Variants in TRPM6 observed in about 807,000 individuals in gnomAD.
The protein encoded by TRPM6 is transient receptor potential cation channel subfamily M member 6, also known as channel kinase 2.
Under a neutral mutation model 247.6 loss-of-function variants are expected in TRPM6, and 111 were observed. That is an observed-to-expected ratio of 0.45 (90% CI 0.38 to 0.52). The LOEUF is 0.52. TRPM6 is among the 20% of genes least tolerant of loss of function. The pLI is 0.00. For synonymous variants in TRPM6, 892 were observed against 853.8 expected (o/e 1.04, Z -0.78); for missense variants, 2,126 against 2,421.5 (o/e 0.88, Z 2.56).
chr9:74,803,136 A>G (rs1259566573), intron 15 of TRPM6, among the ~76,000 whole-genome samples: 1 of 152,218 alleles, frequency 6.6e-6, no homozygotes, highest in Non-Finnish European at 1.5e-5. Flanking sequence ...GACCAAGAGT[A>G]ATTTTATAAA....
At chr9:74,740,987 C>G (rs972301123) in intron 33 of TRPM6, among the ~76,000 whole-genome samples, 1 of 152,036 alleles carries the variant, frequency 6.6e-6, no homozygotes, top group East Asian at 1.9e-4. Context: ...TGCCTTTGGA[C>G]GAGTTACTTA....
chr9:74,842,523 C>T (rs1829977603), intron 3 of TRPM6, among the ~76,000 whole-genome samples, 180 bp from the exon 4 acceptor site: 1 of 152,154 alleles, frequency 6.6e-6, no homozygotes, highest in Non-Finnish European at 1.5e-5. Context: ...ATTAGTGGTT[C>T]TCTCTCTTGG....
intron 31 of TRPM6, among the ~76,000 whole-genome samples, chr9:74,746,802 A>G (rs1390027878): frequency 6.7e-6 from 1 of 150,080 alleles, no homozygotes; most frequent in African/African-American, 2.4e-5. Flanking sequence ...GCAGTAGGGT[A>G]GACCAAACAG....
intron 3 of TRPM6, 105 bp from the exon 4 acceptor site, chr9:74,842,448 A>G: frequency 8.7e-7 from 1 of 1,155,398 alleles, no homozygotes; most frequent in Non-Finnish European, 1.3e-6. Context: ...CTATTTCTTA[A>G]AACTTCACAT....
intron 24 of TRPM6, among the ~76,000 whole-genome samples, chr9:74,775,325 G>A (rs1827182303): frequency 6.6e-6 from 1 of 152,096 alleles, no homozygotes. Flanking sequence ...GAGTAGCTAG[G>A]ACTACAGGCA....
At chr9:74,761,385 A>G (rs1826622983) in intron 27 of TRPM6, among the ~76,000 whole-genome samples, 1 of 152,204 alleles carries the variant, frequency 6.6e-6, no homozygotes, top group Non-Finnish European at 1.5e-5. Context: ...GTTAGCAGAT[A>G]AGTAAATTGC....
At chr9:74,868,430 G>C (rs999113272) in intron 1 of TRPM6, among the ~76,000 whole-genome samples, 2 of 152,018 alleles carry the variant, frequency 1.3e-5, no homozygotes, top group African/African-American at 4.8e-5. Context: ...AGGAGGTGGA[G>C]GTTGCAGTGA....
Position 74,723,716 on chromosome 9 carries a change from C to T in TRPM6, c.*897G>A, listed in dbSNP as rs1253949432. 3 of 150,640 alleles carry T rather than the reference C, an allele frequency of 2.0e-5. No homozygotes were observed. Among genetic ancestry groups the T allele is most frequent in the Admixed American group, 6.6e-5 (1 of 15,058 alleles). The allele number at this position is 150,640 out of a possible 1,614,324, so 9.3% of individuals were successfully genotyped here. The stretch of plus-strand genomic sequence containing the variant: ...ACCCGGAAGACTGAGACACAAGAAT[C>T]GCTCAAGCCCGGGAGGCAGAGGTTG... On this transcript the variant is annotated 3_prime_UTR_variant, in exon 39 of 39. Transcript: ENST00000360774.
intron 6 of TRPM6, among the ~76,000 whole-genome samples, chr9:74,828,155 C>A (rs549121253): frequency 6.6e-6 from 1 of 151,846 alleles, no homozygotes; most frequent in Admixed American, 6.6e-5. Context: ...AGATAGAGAC[C>A]AGCCTTACTA....
chr9:74,785,462 C>T (rs1380899589), intron 21 of TRPM6, among the ~76,000 whole-genome samples: 1 of 152,174 alleles, frequency 6.6e-6, no homozygotes, highest in African/African-American at 2.4e-5. Context: ...ATGCCTATAT[C>T]AAAATATTCC....
intron 1 of TRPM6, among the ~76,000 whole-genome samples, chr9:74,874,178 A>C (rs111636861): frequency 0.019 from 2,894 of 151,906 alleles, 109 homozygotes; most frequent in African/African-American, 0.067. Flanking sequence ...AGAGATTGCC[A>C]TTAGCTGAGA....
At position 74,801,921 on chromosome 9, in the gene TRPM6, T is replaced by G. The variant is rs1343882568; in HGVS notation, c.1986A>C (p.Ser662=). The G allele has an allele frequency of 6.2e-7, 1 of 1,614,128 alleles. No homozygotes were observed. The highest frequency in any genetic ancestry group is 1.3e-5 in the African/African-American group (1 of 74,956). Residue 662 remains serine (S), a synonymous_variant, in exon 16 of 39, where the codon TCA becomes TCC. Transcript: ENST00000360774. Reference sequence around the variant, plus strand: ...ACTTTGAGTAATTCTTCAACTCTTCTGAGGCATCATCCACCATGTGACTCT... The same window carrying G: ...ACTTTGAGTAATTCTTCAACTCTTCGGAGGCATCATCCACCATGTGACTCT... ...AKESHMVDDA[S]EELKNYSKQF...
rs1032131425 is a variant in TRPM6 at position 74,762,325 on chromosome 9, C to A, written c.4346G>T (p.Gly1449Val). Residue 1449 changes from glycine (G) to valine (V), a missense_variant, in exon 26 of 39, where the codon GGA becomes GTA. Physicochemically the swap from Gly to Val is moderately radical, Grantham distance 109. This residue lies in a region of TRPM6 where 717 missense variants were observed against 715.9 expected (regional missense o/e 1.00). Transcript: ENST00000360774. ...PLSQAKIMQTGGGYVNWAFSE... is the reference protein window; with the variant it reads ...PLSQAKIMQTVGGYVNWAFSE... ...AAATGCCCAGTTTACATATCCACCTCCAGTTTGCATGATCTTGGCTTGGGA... is the reference window on the plus strand; with the variant it reads ...AAATGCCCAGTTTACATATCCACCTACAGTTTGCATGATCTTGGCTTGGGA... 1 of 1,614,106 alleles carries A rather than the reference C, an allele frequency of 6.2e-7. No individual in the cohort carries two copies.
At chr9:74,815,201 G>A (rs533568261) in intron 11 of TRPM6, among the ~76,000 whole-genome samples, 89 of 151,822 alleles carry the variant, frequency 5.9e-4, no homozygotes, top group Admixed American at 1.2e-3. Flanking sequence ...CCAACAAAAT[G>A]GATACAGAGA....
chr9:74,876,153 A>G lies in TRPM6; in HGVS notation c.33+11671T>C, dbSNP rs573407391. ...GGCTGGAATGCAATGGCATGATCAC[A>G]GCTCACTGCAACCTCCACCTCTCAG... On this transcript the variant is annotated intron_variant, in intron 1 of 38. Coordinates refer to ENST00000360774, the MANE Select transcript of TRPM6 (RefSeq NM_017662.5). 4.6e-5 allele frequency among the ~76,000 whole-genome samples: 7 copies of G among 152,332 alleles called. No homozygotes were observed. The East Asian group carries it at 1.4e-3, about 29-fold the overall frequency.
At chr9:74,863,327 G>C (rs747090260) in intron 1 of TRPM6, among the ~76,000 whole-genome samples, 1 of 151,952 alleles carries the variant, frequency 6.6e-6, no homozygotes, top group African/African-American at 2.4e-5. Flanking sequence ...GATTACAGGC[G>C]TGAGCCACTG....
In TRPM6 at chr9:74,724,564, A is replaced by C. The variant is rs1239020848; in HGVS notation, c.*49T>G. ...CGTTGATCAATCTATGTTATCACAG[A>C]GTTCCTGGCAGGCAGGGCAAGCACT... On this transcript the variant is annotated 3_prime_UTR_variant, in exon 39 of 39. Coordinates refer to ENST00000360774, the MANE Select transcript of TRPM6 (RefSeq NM_017662.5). The C allele has an allele frequency of 1.2e-6, 2 of 1,613,350 alleles. No individual in the cohort carries two copies. Among genetic ancestry groups the C allele is most frequent in the Non-Finnish European group, 1.7e-6 (2 of 1,179,742 alleles).
chr9:74,832,264 TA>T (rs909161689), intron 6 of TRPM6, among the ~76,000 whole-genome samples: 3 of 151,648 alleles, frequency 2.0e-5, no homozygotes, highest in Admixed American at 6.6e-5. Context: ...TACACACACA[TA>T]AAAAAATGAG....
intron 28 of TRPM6, 143 bp from the exon 29 acceptor site, chr9:74,752,511 C>T: frequency 1.7e-6 from 1 of 603,574 alleles, no homozygotes; most frequent in Non-Finnish European, 2.9e-6. Context: ...GCAAGTTTTA[C>T]CAAGTTTCCT....
Sources: allele counts gnomAD v4.1 joint callset (sites outside exome capture counted in the v4.1 genomes callset), GRCh38; gene constraint gnomAD v4.1.1; regional missense constraint gnomAD v4.1.1; transcripts MANE v1.5; gene names NCBI Gene and HGNC (gene_info 2026-07-23, HGNC 2026-07-21).